Variants in DDX59 observed in about 807,000 individuals in gnomAD.
DDX59 encodes the protein DEAD-box helicase 59, also known as probable ATP-dependent RNA helicase DDX59.
Under a neutral mutation model 51.9 loss-of-function variants are expected in DDX59, and 30 were observed. The observed-to-expected ratio is 0.58, with a 90% confidence interval of 0.43 to 0.78. DDX59 has a LOEUF of 0.78. DDX59 is among the 30% of genes least tolerant of loss of function. DDX59 has a pLI of 0.00. For missense variants in DDX59, 672 were observed against 730.8 expected, an observed-to-expected ratio of 0.92 and a Z score of 0.93; for synonymous variants, 255 against 253.3, an observed-to-expected ratio of 1.01 and a Z score of -0.06.
At chr1:200,650,037 G>A (rs1037935789) in intron 5 of DDX59, among the ~76,000 whole-genome samples, 3 of 151,772 alleles carry the variant, frequency 2.0e-5, no homozygotes, top group African/African-American at 2.4e-5. Flanking sequence ...GTAGAGACGG[G>A]GTTTCACCAT....
At chr1:200,653,766 C>A (rs1402968622) in intron 4 of DDX59, among the ~76,000 whole-genome samples, 1 of 152,186 alleles carries the variant, frequency 6.6e-6, no homozygotes, top group Non-Finnish European at 1.5e-5. Context: ...CTTGTTGGCA[C>A]CTGGCTGAAA....
At chr1:200,648,673 G>T in intron 6 of DDX59, 106 bp from the exon 7 acceptor site, 2 of 1,336,592 alleles carry the variant, frequency 1.5e-6, no homozygotes, top group Non-Finnish European at 1.0e-6. Flanking sequence ...TATTTTTATT[G>T]CAATATTTTT....
intron 4 of DDX59, among the ~76,000 whole-genome samples, chr1:200,655,582 C>G (rs1253272226): frequency 6.6e-6 from 1 of 152,162 alleles, no homozygotes; most frequent in East Asian, 1.9e-4. Flanking sequence ...AGGAAGAATT[C>G]TTCAAGCTGG....
At chr1:200,661,888 G>A (rs1662396975) in intron 3 of DDX59, among the ~76,000 whole-genome samples, 1 of 152,186 alleles carries the variant, frequency 6.6e-6, no homozygotes, top group South Asian at 2.1e-4. Context: ...GAGGTGATTG[G>A]ATCATGGGGG....
intron 7 of DDX59, among the ~76,000 whole-genome samples, chr1:200,647,937 G>A (rs1661389911): frequency 6.9e-6 from 1 of 144,310 alleles, no homozygotes; most frequent in African/African-American, 2.6e-5. Context: ...TCATGCCACT[G>A]CACTCCAGCT....
In DDX59 at chr1:200,650,395, TA is replaced by T; in HGVS notation, c.1314+29del. 7 of 1,589,354 alleles carry T rather than the reference TA, an allele frequency of 4.4e-6. No individual in the cohort carries two copies. In the Middle Eastern group the frequency reaches 1.2e-3, roughly 266 times the overall value. On this transcript the variant is annotated intron_variant, in intron 5 of 7. Transcript: ENST00000331314. ...CTGTGAAAAATGCAAACACAATCCA[TA>T]AAACATAGTTAACTGCTTTACTACT... is the stretch of plus-strand genomic sequence containing the variant.
chr1:200,646,171 A>G (rs2809336), intron 7 of DDX59, among the ~76,000 whole-genome samples: 149,140 of 152,134 alleles, frequency 0.98, 73,169 homozygotes, highest in East Asian at 1. Flanking sequence ...CCATCTCTAC[A>G]AAAAACAGAA....
intron 5 of DDX59, among the ~76,000 whole-genome samples, chr1:200,650,124 T>C (rs543605802): frequency 6.6e-6 from 1 of 152,098 alleles, no homozygotes; most frequent in Admixed American, 6.6e-5. Flanking sequence ...GATTACAGGC[T>C]TGAGCCACCG....
chr1:200,650,970 A>C (rs1452775904), intron 4 of DDX59, among the ~76,000 whole-genome samples: 3 of 152,308 alleles, frequency 2.0e-5, no homozygotes, highest in Admixed American at 1.3e-4. Context: ...GTAGATCCAT[A>C]TGACACTATG....
At chr1:200,649,007 G>T in intron 6 of DDX59, 67 bp downstream of exon 6, 1 of 1,426,988 alleles carries the variant, frequency 7.0e-7, no homozygotes, top group Non-Finnish European at 9.3e-7. Context: ...CTGTAATATG[G>T]TTATCTCTTG....
At chr1:200,662,764 T>C (rs1217923073) in intron 3 of DDX59, among the ~76,000 whole-genome samples, 7 of 152,342 alleles carry the variant, frequency 4.6e-5, no homozygotes, top group Admixed American at 4.6e-4. Flanking sequence ...TTCGTTGCAA[T>C]GAAAATAAAT....
intron 1 of DDX59, chr1:200,669,434 T>G (rs1209415971): frequency 6.6e-6 from 1 of 152,544 alleles, no homozygotes; most frequent in East Asian, 1.9e-4. Flanking sequence ...GGGAACGTGC[T>G]CCTGCTGGGC....
intron 7 of DDX59, among the ~76,000 whole-genome samples, chr1:200,646,777 T>C (rs865947367): frequency 6.6e-6 from 1 of 152,190 alleles, no homozygotes; most frequent in Non-Finnish European, 1.5e-5. Flanking sequence ...AATGAAAACA[T>C]GTCCACACAA....
chr1:200,657,748 C>CA (rs1267173346), intron 4 of DDX59, among the ~76,000 whole-genome samples: 1,302 of 80,386 alleles, frequency 0.016, 14 homozygotes, highest in Non-Finnish European at 0.02. Context: ...GACTCTGTCT[C>CA]AAAAAAAAAA....
In DDX59 at chr1:200,648,344, C is replaced by T. The variant is rs954051218; in HGVS notation, c.1596+95G>A. ...TTACAGGTGTGAGCCACTGTCCTGG[C>T]CGATACTGCTTTCTTAAACTTGGTT... is the stretch of plus-strand genomic sequence containing the variant. On this transcript the variant is annotated intron_variant, in intron 7 of 7. Transcript: ENST00000331314. 1.9e-6 allele frequency: 3 copies of T among 1,543,856 alleles called. No homozygotes were observed. In the African/African-American group the frequency reaches 4.1e-5, roughly 21 times the overall value.
chr1:200,644,451 T>C lies in DDX59; in HGVS notation c.1663A>G (p.Arg555Gly), dbSNP rs767493578. 6.2e-7 allele frequency: 1 copy of C among 1,610,284 alleles called. No homozygotes were observed. Among genetic ancestry groups the C allele is most frequent in the South Asian group, 1.1e-5 (1 of 90,250 alleles). Residue 555 changes from arginine (R) to glycine (G), a missense_variant, in exon 8 of 8, where the codon AGA (arginine) becomes GGA (glycine). Transcript: ENST00000331314. ...CGTTTTGCAATATCCCAGAAGAGTC[T>C]TTTTGAATTATTATTGATGAAAGTA... is the stretch of plus-strand genomic sequence containing the variant. ...AITFINNNSKRLFWDIAKRVK... is the reference protein window; with the variant it reads ...AITFINNNSKGLFWDIAKRVK...
Position 200,648,237 on chromosome 1 carries a change from A to G in DDX59, c.1596+202T>C, listed in dbSNP as rs563213389. 1.6e-3 allele frequency among the ~76,000 whole-genome samples: 249 copies of G among 152,136 alleles called. 1 individual carries two copies. Among genetic ancestry groups the G allele is most frequent in the African/African-American group, 5.4e-3 (223 of 41,526 alleles). The stretch of plus-strand genomic sequence containing the variant: ...GAGATGGGTTTTTGCCATGTTGGCC[A>G]GGTTGGTCTGTGAACCCCTAACTTC... On this transcript the variant is annotated intron_variant, in intron 7 of 7. Coordinates refer to ENST00000331314, the MANE Select transcript of DDX59 (RefSeq NM_001031725.6).
intron 4 of DDX59, among the ~76,000 whole-genome samples, chr1:200,656,068 G>C (rs1485219965): frequency 1.3e-5 from 2 of 152,164 alleles, no homozygotes; most frequent in Admixed American, 1.3e-4. Context: ...GACCTCAGGT[G>C]ATCCGCCCAC....
At chr1:200,656,140 AT>A (rs1312721503) in intron 4 of DDX59, among the ~76,000 whole-genome samples, 6 of 152,086 alleles carry the variant, frequency 3.9e-5, no homozygotes, top group Non-Finnish European at 1.5e-5. Flanking sequence ...ATACAGTTCA[AT>A]TTTTTCACTA....
Sources: gnomAD v4.1 joint callset for allele counts (sites outside exome capture counted in the v4.1 genomes callset) on GRCh38, gnomAD v4.1.1 for gene constraint, MANE v1.5 for transcripts, NCBI Gene and HGNC (gene_info 2026-07-23, HGNC 2026-07-21) for gene names.